The following RPA3 variants were observed in gnomAD, a reference collection of about 807,000 sequenced individuals.
RPA3 encodes replication protein A 14 kDa subunit.
A neutral mutation model predicts 13.7 loss-of-function variants in RPA3; 24 were observed. The observed-to-expected ratio is 1.75, with a 90% CI of 1.27 to 2.46. The LOEUF is 2.46. Ranked by LOEUF, RPA3 falls within the 30% of genes most tolerant of loss-of-function variation. RPA3 has a pLI of 0.00. For missense variants in RPA3, 183 were observed against 151.0 expected, an observed-to-expected ratio of 1.21 and a Z score of -1.11; for synonymous variants, 59 against 51.2, an observed-to-expected ratio of 1.15 and a Z score of -0.65.
At chr7:7,663,075 C>A (rs1785514410) in intron 4 of RPA3, among the ~76,000 whole-genome samples, 1 of 151,910 alleles carries the variant, frequency 6.6e-6, no homozygotes, top group African/African-American at 2.4e-5. Flanking sequence ...GCACAGGCAC[C>A]CAAATGCGAA....
chr7:7,711,797 G>A (rs1780770652), intron 2 of RPA3, among the ~76,000 whole-genome samples: 1 of 151,970 alleles, frequency 6.6e-6, no homozygotes, highest in African/African-American at 2.4e-5. Context: ...ACATTTTGAT[G>A]TGACAGTTTT....
At chr7:7,695,136 A>C (rs1456524048) in intron 2 of RPA3, among the ~76,000 whole-genome samples, 1 of 152,208 alleles carries the variant, frequency 6.6e-6, no homozygotes, top group East Asian at 1.9e-4. Context: ...TCTGATGATC[A>C]GTAATGTTGA....
In RPA3 at chr7:7,639,054, T is replaced by C. The variant is rs1296366055; in HGVS notation, c.174+16A>G. On this transcript the variant is annotated intron_variant, in intron 6 of 7. Transcript: ENST00000223129. ...TAACTATAATATATAAGAGACTTAT[T>C]AACACTTAAACATACGGGTTCCATC... The C allele has an allele frequency of 1.9e-6, 3 of 1,583,342 alleles. No individual in the cohort carries two copies. Among genetic ancestry groups the C allele is most frequent in the Middle Eastern group, 1.7e-4 (1 of 5,974 alleles).
intron 2 of RPA3, among the ~76,000 whole-genome samples, chr7:7,709,041 A>G (rs1297280919): frequency 3.9e-5 from 6 of 152,090 alleles, no homozygotes. Flanking sequence ...AGTCCTAACT[A>G]TTAAAAATAC....
In RPA3 at chr7:7,714,558, T is replaced by A. The variant is rs562773820; in HGVS notation, c.-1028+617A>T. Among the ~76,000 whole-genome samples the A allele has an allele frequency of 3.9e-5, 6 of 152,332 alleles. No individual in the cohort carries two copies. The South Asian group carries it at 1.2e-3, about 32-fold the overall frequency. On this transcript the variant is annotated intron_variant, in intron 2 of 7. Transcript: ENST00000223129. ...TCAATTTAGGTGTGGGTGAGATGAC[T>A]TAGGATCTAGGAATCAGTGGTAGAT...
At chr7:7,659,043 T>C (rs185016486) in intron 4 of RPA3, among the ~76,000 whole-genome samples, 3 of 152,352 alleles carry the variant, frequency 2.0e-5, no homozygotes, top group African/African-American at 7.2e-5. Context: ...GGAAGGTGTA[T>C]GTGTCCAGGA....
chr7:7,671,469 T>G (rs906407710), intron 4 of RPA3, among the ~76,000 whole-genome samples: 4 of 152,244 alleles, frequency 2.6e-5, no homozygotes, highest in African/African-American at 9.6e-5. Flanking sequence ...TATTTGATCC[T>G]TAGCTGAGGC....
intron 4 of RPA3, among the ~76,000 whole-genome samples, chr7:7,665,381 C>T (rs1779417908): frequency 6.6e-6 from 1 of 152,154 alleles, no homozygotes; most frequent in Non-Finnish European, 1.5e-5. Flanking sequence ...TTGTGTGATG[C>T]ATGCAGAAAA....
At chr7:7,667,227 G>T (rs1433661134) in intron 4 of RPA3, among the ~76,000 whole-genome samples, 1 of 152,144 alleles carries the variant, frequency 6.6e-6, no homozygotes, top group Non-Finnish European at 1.5e-5. Flanking sequence ...GCTAATAATG[G>T]GTTTTTGAGA....
chr7:7,645,619 C>T (rs559291379), intron 4 of RPA3, among the ~76,000 whole-genome samples: 4 of 152,294 alleles, frequency 2.6e-5, no homozygotes, highest in African/African-American at 9.6e-5. Context: ...AATTTTCCTT[C>T]TATTCCTAGT....
chr7:7,638,793 C>T (rs1784904944), intron 6 of RPA3: 1 of 293,280 alleles, frequency 3.4e-6, no homozygotes, highest in Non-Finnish European at 6.2e-6. Context: ...GTAAATTTTT[C>T]TTATGTGATT....
intron 1 of RPA3, among the ~76,000 whole-genome samples, chr7:7,717,349 G>T (rs1340716335): frequency 6.6e-6 from 1 of 152,046 alleles, no homozygotes; most frequent in Non-Finnish European, 1.5e-5. Context: ...AAGCCACCTC[G>T]CCCAGCCTCC....
At chr7:7,676,673 CT>C (rs1357856401) in intron 4 of RPA3, among the ~76,000 whole-genome samples, 1 of 152,072 alleles carries the variant, frequency 6.6e-6, no homozygotes, top group African/African-American at 2.4e-5. Context: ...CTAACCCAAA[CT>C]TTTTACTATT....
At chr7:7,664,376 C>G (rs964223178) in intron 4 of RPA3, among the ~76,000 whole-genome samples, 17 of 152,138 alleles carry the variant, frequency 1.1e-4, no homozygotes, top group African/African-American at 4.1e-4. Flanking sequence ...TACATTTAAT[C>G]TCTCTTAAAT....
chr7:7,638,203 A>C, intron 6 of RPA3: 1 of 382,658 alleles, frequency 2.6e-6, no homozygotes. Context: ...CAAAGCTACA[A>C]TTCAAGTTAA....
At chr7:7,652,744 GAACA>G (rs1260578857) in intron 4 of RPA3, among the ~76,000 whole-genome samples, 4 of 152,212 alleles carry the variant, frequency 2.6e-5, no homozygotes, top group Non-Finnish European at 4.4e-5. Context: ...ATTAAATAGT[GAACA>G]AACAAATGAC....
chr7:7,701,548 T>G (rs573549347), intron 2 of RPA3, among the ~76,000 whole-genome samples: 1 of 152,196 alleles, frequency 6.6e-6, no homozygotes, highest in African/African-American at 2.4e-5. Context: ...TATGAAGTAG[T>G]ATTTTTCTGA....
chr7:7,666,235 G>A (rs1393203057), intron 4 of RPA3, among the ~76,000 whole-genome samples: 3 of 151,892 alleles, frequency 2.0e-5, no homozygotes, highest in Admixed American at 6.6e-5. Flanking sequence ...GGGTCTCATA[G>A]CCCTGTCACC....
chr7:7,674,746 C>T (rs779615972), intron 4 of RPA3, among the ~76,000 whole-genome samples: 18 of 152,104 alleles, frequency 1.2e-4, no homozygotes, highest in Non-Finnish European at 2.2e-4. Flanking sequence ...CTGTTAACTC[C>T]GATTTTAGTT....
Sources: allele counts gnomAD v4.1 joint callset (sites outside exome capture counted in the v4.1 genomes callset), GRCh38; gene constraint gnomAD v4.1.1; transcripts MANE v1.5; gene names NCBI Gene and HGNC (gene_info 2026-07-23, HGNC 2026-07-21).